HTR2C: variants seen among roughly 807,000 people sequenced by gnomAD.
HTR2C encodes the protein 5-hydroxytryptamine (serotonin) receptor 2C, G protein-coupled.
Under a neutral mutation model 21.0 loss-of-function variants are expected in HTR2C, and 5 were observed. The observed-to-expected ratio is 0.24, with a 90% confidence interval of 0.12 to 0.50. The LOEUF is 0.50. Among genes scored for constraint, HTR2C ranks in the 20% least tolerant of loss-of-function variants. HTR2C has a pLI of 0.98. For missense variants in HTR2C, 271 were observed against 371.2 expected (o/e 0.73, Z 2.22); for synonymous variants, 150 against 145.3 (o/e 1.03, Z -0.23).
chrX:114,818,405 A>G (rs145232495), intron 4 of HTR2C, among the ~76,000 whole-genome samples: 1 of 112,209 alleles, frequency 8.9e-6, no homozygotes, highest in East Asian at 2.8e-4. Flanking sequence ...CTCTCTTTCA[A>G]ATAGTAATGT....
At chrX:114,861,582 A>T (rs182783511) in intron 5 of HTR2C, among the ~76,000 whole-genome samples, 2 of 111,522 alleles carry the variant, frequency 1.8e-5, no homozygotes, top group East Asian at 5.7e-4. Context: ...GTTTTCCATG[A>T]TGGCTGTACT....
At chrX:114,656,129 C>T (rs1930773237) in intron 2 of HTR2C, among the ~76,000 whole-genome samples, 1 of 110,925 alleles carries the variant, frequency 9.0e-6, no homozygotes, top group Non-Finnish European at 1.9e-5. Context: ...TTTCTGACCT[C>T]TATTACCTTT....
At chrX:114,623,095 G>A (rs911565040) in intron 2 of HTR2C, among the ~76,000 whole-genome samples, 11 of 111,976 alleles carry the variant, frequency 9.8e-5, no homozygotes, top group Admixed American at 2.8e-4. Flanking sequence ...AAACTATCAT[G>A]TATTGAGCAT....
intron 2 of HTR2C, among the ~76,000 whole-genome samples, chrX:114,656,796 C>T (rs781878175): frequency 1.8e-5 from 2 of 110,091 alleles, no homozygotes; most frequent in African/African-American, 3.3e-5. Flanking sequence ...TAAATGTAGC[C>T]AATTTGTATC....
Position 114,719,177 on chromosome X carries a change from A to T in HTR2C, c.-79-7681A>T, listed in dbSNP as rs1025078497. Among the ~76,000 whole-genome samples, 11 of 109,125 alleles carry T rather than the reference A, an allele frequency of 1.0e-4. No individual in the cohort carries two copies. In the South Asian group the frequency reaches 4.1e-3, roughly 41 times the overall value. The allele number at this position is 109,125 out of a possible 115,157, so 94.8% of individuals were successfully genotyped here. The stretch of plus-strand genomic sequence containing the variant: ...TTATCTCACAAGTGATTTTAAAAAA[A>T]TTTTACAAAACACAATCCTTCACAA... On this transcript the variant is annotated intron_variant, in intron 2 of 5. Coordinates refer to ENST00000276198, the MANE Select transcript of HTR2C (RefSeq NM_000868.4).
intron 4 of HTR2C, among the ~76,000 whole-genome samples, chrX:114,777,791 C>G (rs782497883): frequency 9.0e-6 from 1 of 111,626 alleles, no homozygotes; most frequent in East Asian, 2.8e-4. Context: ...CTCCTGACCT[C>G]AGGTGATCCA....
chrX:114,805,928 C>G (rs1417510886), intron 4 of HTR2C, among the ~76,000 whole-genome samples: 1 of 39,828 alleles, frequency 2.5e-5, no homozygotes, highest in African/African-American at 7.4e-5. Flanking sequence ...TATATATACA[C>G]CATATATATA....
At chrX:114,679,366 C>A (rs1931672613) in intron 2 of HTR2C, among the ~76,000 whole-genome samples, 1 of 110,643 alleles carries the variant, frequency 9.0e-6, no homozygotes, top group Non-Finnish European at 1.9e-5. Flanking sequence ...GAAACCTCCA[C>A]CTCCCAGGTT....
chrX:114,599,050 C>G (rs782272754), intron 1 of HTR2C, among the ~76,000 whole-genome samples: 7 of 111,364 alleles, frequency 6.3e-5, no homozygotes, highest in African/African-American at 2.3e-4. Flanking sequence ...TAAATGAAAG[C>G]CTTTAAAAAT....
At chrX:114,891,203 C>T (rs2071256501) in intron 5 of HTR2C, among the ~76,000 whole-genome samples, 1 of 110,775 alleles carries the variant, frequency 9.0e-6, no homozygotes, top group Non-Finnish European at 1.9e-5. Context: ...ACCATATTTG[C>T]CTCGAACTTA....
chrX:114,601,851 G>A (rs1484545747), intron 1 of HTR2C, among the ~76,000 whole-genome samples: 1 of 96,834 alleles, frequency 1.0e-5, no homozygotes, highest in Non-Finnish European at 2.1e-5. Flanking sequence ...CTTCAAGCAG[G>A]ATTAGGGGCG....
intron 1 of HTR2C, among the ~76,000 whole-genome samples, chrX:114,604,104 C>T (rs1242428760): frequency 1.9e-5 from 2 of 107,792 alleles, no homozygotes; most frequent in Admixed American, 1.0e-4. Context: ...GGTGCATGAT[C>T]GGTCGCCAAG....
At chrX:114,897,557 C>T (rs782709546) in intron 5 of HTR2C, among the ~76,000 whole-genome samples, 8 of 111,382 alleles carry the variant, frequency 7.2e-5, no homozygotes, top group Admixed American at 5.8e-4. Flanking sequence ...TAATGCCCTC[C>T]GTCCTCACCG....
chrX:114,654,241 C>A (rs1229669519), intron 2 of HTR2C, among the ~76,000 whole-genome samples: 1 of 107,705 alleles, frequency 9.3e-6, no homozygotes, highest in East Asian at 2.9e-4. Flanking sequence ...ACTTAAAAAA[C>A]AATAAAATAA....
intron 2 of HTR2C, among the ~76,000 whole-genome samples, chrX:114,694,150 T>C (rs1450899519): frequency 2.7e-5 from 3 of 110,833 alleles, no homozygotes; most frequent in Non-Finnish European, 5.7e-5. Flanking sequence ...GAAAATAATA[T>C]TGCTCATCTA....
At chrX:114,761,232 T>A (rs1355618519) in intron 4 of HTR2C, among the ~76,000 whole-genome samples, 1 of 111,696 alleles carries the variant, frequency 9.0e-6, no homozygotes, top group Non-Finnish European at 1.9e-5. Context: ...CCCTTGAGAA[T>A]GCAAATGTAT....
chrX:114,591,218 T>C (rs1927617322), intron 1 of HTR2C, among the ~76,000 whole-genome samples: 1 of 111,536 alleles, frequency 9.0e-6, no homozygotes, highest in Admixed American at 9.6e-5. Context: ...AATGTAATGT[T>C]AGTCTAAAAT....
intron 4 of HTR2C, among the ~76,000 whole-genome samples, chrX:114,774,317 G>C (rs2070034648): frequency 9.0e-6 from 1 of 111,523 alleles, no homozygotes; most frequent in Admixed American, 9.5e-5. Context: ...GGTAAGAATA[G>C]GGCTCACAAT....
At chrX:114,801,160 C>T (rs1182676251) in intron 4 of HTR2C, among the ~76,000 whole-genome samples, 1 of 111,109 alleles carries the variant, frequency 9.0e-6, no homozygotes, top group Non-Finnish European at 1.9e-5. Context: ...TCTGGCTTTT[C>T]TATGTTGCTT....
Sources: allele counts gnomAD v4.1 joint callset (sites outside exome capture counted in the v4.1 genomes callset), GRCh38; gene constraint gnomAD v4.1.1; transcripts MANE v1.5; gene names NCBI Gene and HGNC (gene_info 2026-07-23, HGNC 2026-07-21).